The following GPHN variants were observed in gnomAD, a reference collection of about 807,000 sequenced individuals.
The protein encoded by GPHN is gephyrin.
Under a neutral mutation model 95.5 loss-of-function variants are expected in GPHN, and 17 were observed. That is an observed-to-expected ratio of 0.18 (90% confidence interval 0.12 to 0.27). The LOEUF (loss-of-function observed/expected upper bound fraction) is 0.27. GPHN is among the 10% of genes least tolerant of loss of function. The pLI is 1.00. For missense variants in GPHN, 660 were observed against 978.1 expected, an observed-to-expected ratio of 0.67 and a Z score of 4.34; for synonymous variants, 320 against 322.5, an observed-to-expected ratio of 0.99 and a Z score of 0.08.
chr14:66,599,846 T>A (rs773408677), intron 1 of GPHN, among the ~76,000 whole-genome samples: 4 of 151,998 alleles, frequency 2.6e-5, no homozygotes, highest in Non-Finnish European at 4.4e-5. Flanking sequence ...TATCTGTATA[T>A]CTATATCTAT....
At chr14:67,185,800 A>G (rs2083365620), downstream of GPHN, among the ~76,000 whole-genome samples, 1 of 152,320 alleles carries the variant, frequency 6.6e-6, no homozygotes, top group African/African-American at 2.4e-5. Flanking sequence ...CTAACCTGTT[A>G]GCAATTCTTG....
chr14:67,541,905 A>G, the GPHN span: 1 of 1,604,348 alleles, frequency 6.2e-7, no homozygotes, highest in Non-Finnish European at 8.5e-7. Context: ...GCCAGCGTAG[A>G]CTGGCAGAAA....
At chr14:66,681,467 T>C in intron 2 of GPHN, among the ~76,000 whole-genome samples, 1 of 152,160 alleles carries the variant, frequency 6.6e-6, no homozygotes, top group East Asian at 1.9e-4. Context: ...AGATGATTAG[T>C]AGTTGATTTC....
At chr14:67,579,871 G>A in the GPHN span, 5 of 1,599,244 alleles carry the variant, frequency 3.1e-6, no homozygotes, top group Admixed American at 6.9e-5. Flanking sequence ...GCAGGGAAGT[G>A]TCAAGGTGAC....
intron 2 of GPHN, among the ~76,000 whole-genome samples, chr14:66,681,475 T>G (rs1404021394): frequency 2.0e-5 from 3 of 152,154 alleles, no homozygotes; most frequent in Non-Finnish European, 4.4e-5. Flanking sequence ...AGTAGTTGAT[T>G]TCCTTGGGAA....
At chr14:67,332,999 A>ATCTGCC in the GPHN span, 1 of 1,564,714 alleles carries the variant, frequency 6.4e-7, no homozygotes. Context: ...GATCTGGCAA[A>ATCTGCC]AACTGCCAAT....
intron 2 of GPHN, among the ~76,000 whole-genome samples, chr14:66,713,756 A>G (rs1396924005): frequency 1.4e-5 from 2 of 139,254 alleles, no homozygotes; most frequent in East Asian, 2.1e-4. Flanking sequence ...TTTTTTTTTT[A>G]TTTGTTTGTT....
rs370089075 is a variant in GPHN at position 66,536,549 on chromosome 14, A to G, written c.64+27958A>G. Among the ~76,000 whole-genome samples, 390 of 103,232 alleles carry G rather than the reference A, an allele frequency of 3.8e-3. 9 individuals carry two copies. Among genetic ancestry groups the G allele is most frequent in the East Asian group, 0.036 (97 of 2,726 alleles). 67.7% of individuals were successfully genotyped at this position (103,232 alleles called of 152,430 possible). A position where few individuals can be genotyped will look rare whatever the true frequency, so the allele number is the denominator to read the frequency against. On this transcript the variant is annotated intron_variant, in intron 1 of 22. Transcript: ENST00000478722. ...TATAATATTTTTGTCAGATTTTGTTATCAATGTTTGTTAGCCTTGTAAAAA... is the reference window on the plus strand; with the variant it reads ...TATAATATTTTTGTCAGATTTTGTTGTCAATGTTTGTTAGCCTTGTAAAAA...
the GPHN span, among the ~76,000 whole-genome samples, chr14:67,465,307 G>GTAAT: frequency 1.3e-5 from 2 of 150,632 alleles, no homozygotes. Flanking sequence ...GTAACATAGG[G>GTAAT]GCCGAAGGCC....
chr14:67,132,856 T>C (rs1272014158), intron 17 of GPHN, among the ~76,000 whole-genome samples: 1 of 150,918 alleles, frequency 6.6e-6, no homozygotes, highest in African/African-American at 2.4e-5. Context: ...CTTTATATTA[T>C]ATATAAATAT....
chr14:66,949,062 A>G (rs2067928536), intron 8 of GPHN, among the ~76,000 whole-genome samples: 1 of 152,164 alleles, frequency 6.6e-6, no homozygotes, highest in Admixed American at 6.5e-5. Flanking sequence ...TAGGTATTAT[A>G]TGTAATCAAT....
chr14:66,846,869 G>C (rs900486995), intron 4 of GPHN, among the ~76,000 whole-genome samples: 2 of 152,024 alleles, frequency 1.3e-5, no homozygotes, highest in African/African-American at 4.8e-5. Context: ...TTTTGCCCCC[G>C]AAGTACAACT....
chr14:66,975,427 G>A (rs2070144555), intron 9 of GPHN, among the ~76,000 whole-genome samples: 1 of 152,160 alleles, frequency 6.6e-6, no homozygotes, highest in African/African-American at 2.4e-5. Flanking sequence ...TGATATATTG[G>A]AAGAAGCAGT....
chr14:67,224,625 A>AT, the GPHN span: 5,428 of 266,928 alleles, frequency 0.02, no homozygotes, highest in South Asian at 0.038. Context: ...TAACTTTTAA[A>AT]TTTTTTTTTT....
intron 1 of GPHN, among the ~76,000 whole-genome samples, chr14:66,664,049 C>T (rs568223032): frequency 6.6e-6 from 1 of 152,238 alleles, no homozygotes; most frequent in South Asian, 2.1e-4. Context: ...TTTAACACCG[C>T]ACTGACAATA....
At chr14:67,592,294 G>C in the GPHN span, 1 of 415,842 alleles carries the variant, frequency 2.4e-6, no homozygotes, top group East Asian at 7.3e-5. Context: ...AAAAAAATTA[G>C]CCAGGCGAGA....
the GPHN span, chr14:67,227,456 GAAAAA>G: frequency 2.1e-5 from 3 of 141,258 alleles, no homozygotes; most frequent in East Asian, 6.3e-4. Flanking sequence ...AAAAAAAAAA[GAAAAA>G]AAAGAAAAAT....
the GPHN span, among the ~76,000 whole-genome samples, chr14:67,345,363 C>T: frequency 6.6e-6 from 1 of 152,110 alleles, no homozygotes; most frequent in South Asian, 2.1e-4. Context: ...TCGAGACCAG[C>T]CTGACAAACA....
the GPHN span, among the ~76,000 whole-genome samples, chr14:67,655,414 C>G: frequency 6.6e-6 from 1 of 152,128 alleles, no homozygotes; most frequent in Non-Finnish European, 1.5e-5. Context: ...CTCAGAGTGA[C>G]AGCAGACTAG....
Sources: allele counts gnomAD v4.1 joint callset (sites outside exome capture counted in the v4.1 genomes callset), GRCh38; gene constraint gnomAD v4.1.1; transcripts MANE v1.5; gene names NCBI Gene and HGNC (gene_info 2026-07-23, HGNC 2026-07-21).